The following GRM1 variants were observed in gnomAD, a reference collection of about 807,000 sequenced individuals.
The protein encoded by GRM1 is metabotropic glutamate receptor 1.
GRM1 carries 33 observed loss-of-function variants against 90.9 expected under a neutral mutation model. That is an observed-to-expected ratio of 0.36 (90% CI 0.28 to 0.49). The LOEUF (loss-of-function observed/expected upper bound fraction) is 0.49, where lower values mean the gene tolerates loss of function less well. Ranked by LOEUF, GRM1 falls within the 20% of genes least tolerant of loss-of-function variation. The probability of loss-of-function intolerance (pLI) is 0.99; values close to 1 mark genes in which losing one functional copy is unlikely to be tolerated. For missense variants in GRM1, 1,190 were observed against 1,534.3 expected, an observed-to-expected ratio of 0.78 and a Z score of 3.75; for synonymous variants, 700 against 613.2, an observed-to-expected ratio of 1.14 and a Z score of -2.09.
rs1562699677 is a variant in GRM1 at position 146,434,261 on chromosome 6, T to A, written c.3050T>A (p.Leu1017His). The change falls in exon 8 of 8, where the codon CTC (leucine) becomes CAC (histidine). Residue 1017 changes from leucine to histidine, a missense_variant. Physicochemically the swap from Leu to His is moderately conservative, Grantham distance 99. Transcript: ENST00000282753. ...PALPKGLPPPLQQQQQPPPQQ... is the reference protein window; with the variant it reads ...PALPKGLPPPHQQQQQPPPQQ... ...CTCCCCAAGGGCTTGCCCCCTCCTC[T>A]CCAGCAGCAGCAGCAACCCCCTCCA... The A allele has an allele frequency of 6.3e-7, 1 of 1,599,746 alleles. No individual in the cohort carries two copies. Among genetic ancestry groups the A allele is most frequent in the Admixed American group, 1.7e-5 (1 of 59,278 alleles).
At chr6:146,047,389 C>T (rs1791371733) in intron 1 of GRM1, among the ~76,000 whole-genome samples, 1 of 151,858 alleles carries the variant, frequency 6.6e-6, no homozygotes, top group Admixed American at 6.6e-5. Flanking sequence ...TCATACAGTC[C>T]ATTTACATTT....
chr6:146,233,473 T>A (rs1434329800), intron 2 of GRM1, among the ~76,000 whole-genome samples: 1 of 152,142 alleles, frequency 6.6e-6, no homozygotes, highest in Non-Finnish European at 1.5e-5. Context: ...TTCTCATATG[T>A]CCTATTAATT....
At chr6:146,079,931 T>G (rs983184344) in intron 1 of GRM1, among the ~76,000 whole-genome samples, 1 of 152,248 alleles carries the variant, frequency 6.6e-6, no homozygotes, top group African/African-American at 2.4e-5. Context: ...GGATTTCATT[T>G]TGTATTTTGC....
At chr6:146,203,676 C>G (rs1255963385) in intron 2 of GRM1, among the ~76,000 whole-genome samples, 2 of 152,174 alleles carry the variant, frequency 1.3e-5, no homozygotes, top group Non-Finnish European at 2.9e-5. Flanking sequence ...GATAATCAGA[C>G]TATATGCCTA....
At position 146,029,984 on chromosome 6, in the gene GRM1, T is replaced by C. The variant is rs1490343031; in HGVS notation, c.467T>C (p.Ile156Thr). The C allele has an allele frequency of 3.1e-6, 5 of 1,614,142 alleles. No individual in the cohort carries two copies. Among genetic ancestry groups the C allele is most frequent in the Non-Finnish European group, 4.2e-6 (5 of 1,180,004 alleles). Residue 156 changes from isoleucine to threonine, a missense_variant, in exon 1 of 8, where the codon ATT becomes ACT. By Grantham distance (89) the Ile-to-Thr change is moderately conservative. This residue lies in a region of GRM1 where 91 missense variants were observed against 95.6 expected (regional missense o/e 0.95). Coordinates refer to ENST00000282753, the MANE Select transcript of GRM1 (RefSeq NM_001278064.2). ...SLPPGRTKKP[I>T]AGVIGPGSSS... ...CCCCCAGGCAGGACTAAGAAGCCCATTGCGGGAGTGATCGGTCCCGGCTCC... is the reference window on the plus strand; with the variant it reads ...CCCCCAGGCAGGACTAAGAAGCCCACTGCGGGAGTGATCGGTCCCGGCTCC...
intron 2 of GRM1, among the ~76,000 whole-genome samples, chr6:146,219,921 G>A (rs1019193385): frequency 6.6e-6 from 1 of 152,200 alleles, no homozygotes; most frequent in African/African-American, 2.4e-5. Flanking sequence ...GTGTGTGTGT[G>A]TGTGTGTGTG....
At chr6:146,148,263 A>G (rs1290058436) in intron 1 of GRM1, among the ~76,000 whole-genome samples, 1 of 152,124 alleles carries the variant, frequency 6.6e-6, no homozygotes, top group African/African-American at 2.4e-5. Flanking sequence ...ATTATTGTAG[A>G]TAACTTAGAA....
intron 1 of GRM1, among the ~76,000 whole-genome samples, chr6:146,093,782 C>T (rs760928811): frequency 6.6e-6 from 1 of 152,028 alleles, no homozygotes; most frequent in African/African-American, 2.4e-5. Flanking sequence ...AAGAGCCACT[C>T]TCCTTAGGTG....
chr6:146,040,085 A>C (rs192984665), intron 1 of GRM1, among the ~76,000 whole-genome samples: 30 of 152,130 alleles, frequency 2.0e-4, no homozygotes, highest in African/African-American at 7.0e-4. Context: ...GGTCAAGGGC[A>C]GTACTTTAAG....
intron 7 of GRM1, among the ~76,000 whole-genome samples, chr6:146,414,848 G>C (rs1177652721): frequency 6.6e-6 from 1 of 152,192 alleles, no homozygotes; most frequent in Admixed American, 6.5e-5. Flanking sequence ...AAGTCCAATT[G>C]ATAAATTTTC....
At chr6:146,181,953 T>C (rs921653979) in intron 2 of GRM1, among the ~76,000 whole-genome samples, 1 of 152,056 alleles carries the variant, frequency 6.6e-6, no homozygotes, top group Non-Finnish European at 1.5e-5. Context: ...ATTTTAGGGA[T>C]GTAAAATAAG....
intron 1 of GRM1, among the ~76,000 whole-genome samples, chr6:146,047,234 A>C (rs993781949): frequency 2.0e-4 from 31 of 151,888 alleles, no homozygotes; most frequent in African/African-American, 7.5e-4. Flanking sequence ...ATTTCTACCA[A>C]AGACTGATAA....
chr6:146,427,726 C>T (rs1778261861), intron 7 of GRM1, among the ~76,000 whole-genome samples: 1 of 152,152 alleles, frequency 6.6e-6, no homozygotes, highest in Non-Finnish European at 1.5e-5. Context: ...CAGGTAGTAA[C>T]TGAGAGGTGT....
chr6:146,395,007 G>A (rs1776876561), intron 6 of GRM1, among the ~76,000 whole-genome samples: 1 of 152,012 alleles, frequency 6.6e-6, no homozygotes, highest in Non-Finnish European at 1.5e-5. Context: ...TGTCCTTCCA[G>A]AATAAGTTGC....
At chr6:146,055,696 CG>C (rs1562433426) in intron 1 of GRM1, among the ~76,000 whole-genome samples, 3 of 151,946 alleles carry the variant, frequency 2.0e-5, no homozygotes, top group Admixed American at 6.6e-5. Flanking sequence ...TAATTTCCCT[CG>C]GCAGCTGTAA....
intron 2 of GRM1, among the ~76,000 whole-genome samples, chr6:146,240,577 A>G (rs1780819454): frequency 6.6e-6 from 1 of 152,214 alleles, no homozygotes; most frequent in Admixed American, 6.5e-5. Context: ...CTGATTTTCT[A>G]CTGGCAGTCA....
chr6:146,368,779 T>A (rs1238200789), intron 5 of GRM1, among the ~76,000 whole-genome samples: 1 of 152,094 alleles, frequency 6.6e-6, no homozygotes, highest in Admixed American at 6.6e-5. Context: ...TTTGCATTTA[T>A]GTTTATCAGG....
chr6:146,173,612 T>C (rs1311798186), intron 2 of GRM1, among the ~76,000 whole-genome samples: 1 of 151,768 alleles, frequency 6.6e-6, no homozygotes, highest in East Asian at 1.9e-4. Flanking sequence ...TTCCAGAGTT[T>C]TATCTAAATT....
intron 7 of GRM1, among the ~76,000 whole-genome samples, chr6:146,417,527 T>C (rs1208550172): frequency 1.3e-5 from 2 of 152,232 alleles, no homozygotes; most frequent in East Asian, 3.8e-4. Flanking sequence ...AGAGAAATTG[T>C]ATGATAATTG....
Sources: allele counts gnomAD v4.1 joint callset (sites outside exome capture counted in the v4.1 genomes callset), GRCh38; gene constraint gnomAD v4.1.1; regional missense constraint gnomAD v4.1.1; transcripts MANE v1.5; gene names NCBI Gene and HGNC (gene_info 2026-07-23, HGNC 2026-07-21).